The following RBFOX1 variants were observed in gnomAD, a reference collection of about 807,000 sequenced individuals.
RBFOX1 encodes RNA binding fox-1 homolog 1.
RBFOX1 carries 8 observed loss-of-function variants against 57.7 expected under a neutral mutation model. The observed-to-expected ratio is 0.14, with a 90% CI of 0.08 to 0.25. The LOEUF (loss-of-function observed/expected upper bound fraction) is 0.25, where lower values mean the gene tolerates loss of function less well. Among genes scored for constraint, RBFOX1 ranks in the 10% least tolerant of loss-of-function variants. The probability of loss-of-function intolerance (pLI) is 1.00; values close to 1 mark genes in which losing one functional copy is unlikely to be tolerated. For synonymous variants in RBFOX1, 326 were observed against 222.4 expected (o/e 1.47, Z -4.15); for missense variants, 611 against 548.5 (o/e 1.11, Z -1.14).
chr16:7,194,966 G>C lies in RBFOX1; in HGVS notation c.27+142868G>C, dbSNP rs2086328918. 2.7e-5 allele frequency among the ~76,000 whole-genome samples: 4 copies of C among 150,014 alleles called. No individual in the cohort carries two copies. The South Asian group carries it at 8.4e-4, about 31-fold the overall frequency. Reference sequence around the variant, plus strand: ...AAAAGTGAAGAATTCAAAGACAGCTGAATAACACCTTTCAATATTTTATCG... The same window carrying C: ...AAAAGTGAAGAATTCAAAGACAGCTCAATAACACCTTTCAATATTTTATCG... On this transcript the variant is annotated intron_variant, in intron 4 of 15. Coordinates refer to ENST00000550418, the MANE Select transcript of RBFOX1 (RefSeq NM_018723.4).
chr16:6,906,240 C>CCCT lies in RBFOX1; in HGVS notation c.-15-145815_-15-145814insTCC, dbSNP rs141742790. ...GGCAACCCCAAAAAGCAATTTATTA[C>CCCT]CCCCCCCCAAAATATACATTGTCAT... On this transcript the variant is annotated intron_variant, in intron 3 of 15. Coordinates refer to ENST00000550418, the MANE Select transcript of RBFOX1 (RefSeq NM_018723.4). 1.0e-4 allele frequency among the ~76,000 whole-genome samples: 7 copies of CCCT among 67,088 alleles called. 1 individual carries two copies. The highest frequency in any genetic ancestry group is 9.2e-4 in the African/African-American group (6 of 6,488). The allele number at this position is 67,088 out of a possible 152,430, so 44.0% of individuals were successfully genotyped here.
chr16:6,901,344 A>G (rs1250579568), intron 3 of RBFOX1, among the ~76,000 whole-genome samples: 1 of 152,188 alleles, frequency 6.6e-6, no homozygotes, highest in East Asian at 1.9e-4. Context: ...TTCAACCTGG[A>G]AATGTCCCAC....
chr16:6,287,736 T>C (rs2077043662), intron 1 of RBFOX1, among the ~76,000 whole-genome samples: 1 of 152,154 alleles, frequency 6.6e-6, no homozygotes, highest in African/African-American at 2.4e-5. Flanking sequence ...TGAAATGGCA[T>C]ATTAAGACCA....
chr16:7,266,380 C>T (rs1324340847), intron 4 of RBFOX1, among the ~76,000 whole-genome samples: 1 of 152,188 alleles, frequency 6.6e-6, no homozygotes, highest in Non-Finnish European at 1.5e-5. Context: ...TCACTTTCCG[C>T]CATGACGAAA....
Position 6,958,701 on chromosome 16 carries a change from C to T in RBFOX1, c.-15-93356C>T, listed in dbSNP as rs1332847757. Reference sequence around the variant, plus strand: ...CTAATTGGGGTCACATGCTAATGAACTCCCTCTTCATGTTAGTTTTATGCC... The same window carrying T: ...CTAATTGGGGTCACATGCTAATGAATTCCCTCTTCATGTTAGTTTTATGCC... On this transcript the variant is annotated intron_variant, in intron 3 of 15. Coordinates refer to ENST00000550418, the MANE Select transcript of RBFOX1 (RefSeq NM_018723.4). 5.3e-5 allele frequency among the ~76,000 whole-genome samples: 8 copies of T among 152,266 alleles called. No homozygotes were observed. The South Asian group carries it at 8.3e-4, about 16-fold the overall frequency.
At chr16:7,608,441 T>C (rs1277077747) in intron 10 of RBFOX1, among the ~76,000 whole-genome samples, 1 of 152,230 alleles carries the variant, frequency 6.6e-6, no homozygotes, top group Non-Finnish European at 1.5e-5. Context: ...TTGTTCTTCA[T>C]GTATGAGTTT....
chr16:7,598,766 CTTTAA>C (rs2094847619), intron 9 of RBFOX1, among the ~76,000 whole-genome samples: 1 of 151,986 alleles, frequency 6.6e-6, no homozygotes. Context: ...TATAGAGTTC[CTTTAA>C]TTTAATATAT....
chr16:5,866,787 A>T (rs2057353363), intron 3 of RBFOX1, among the ~76,000 whole-genome samples: 1 of 152,238 alleles, frequency 6.6e-6, no homozygotes, highest in African/African-American at 2.4e-5. Flanking sequence ...ATGAGATAAA[A>T]TATATAAACA....
chr16:7,087,400 G>A (rs1320270865), intron 4 of RBFOX1, among the ~76,000 whole-genome samples: 1 of 152,142 alleles, frequency 6.6e-6, no homozygotes, highest in Non-Finnish European at 1.5e-5. Flanking sequence ...CTAGTATTAT[G>A]AATATTGCTA....
intron 2 of RBFOX1, among the ~76,000 whole-genome samples, chr16:6,452,561 G>C (rs571551639): frequency 6.6e-6 from 1 of 152,316 alleles, no homozygotes; most frequent in Admixed American, 6.5e-5. Context: ...TGTACCTAGA[G>C]ATCGTCAAGT....
chr16:6,878,123 A>C lies in RBFOX1; in HGVS notation c.-15-173934A>C, dbSNP rs748740288. ...TGGTGGCGTGTATGCAAGGACTTCT[A>C]AGAGAAGTGATAGCTAATGTTTGTG... On this transcript the variant is annotated intron_variant, in intron 3 of 15. Coordinates refer to ENST00000550418, the MANE Select transcript of RBFOX1 (RefSeq NM_018723.4). 3.9e-5 allele frequency among the ~76,000 whole-genome samples: 6 copies of C among 152,274 alleles called. 1 individual carries two copies. Among genetic ancestry groups the C allele is most frequent in the Middle Eastern group, 6.8e-3 (2 of 294 alleles).
chr16:6,490,649 A>C (rs971253511), intron 2 of RBFOX1, among the ~76,000 whole-genome samples: 2 of 152,178 alleles, frequency 1.3e-5, no homozygotes, highest in Non-Finnish European at 2.9e-5. Flanking sequence ...ATTTTTTTAT[A>C]CAAGAAAGAA....
At chr16:7,103,523 T>C (rs1360861143) in intron 4 of RBFOX1, among the ~76,000 whole-genome samples, 2 of 152,138 alleles carry the variant, frequency 1.3e-5, no homozygotes, top group Admixed American at 1.3e-4. Flanking sequence ...TGTTAAGAGA[T>C]GATCAGTGAC....
chr16:7,053,473 G>C (rs182779475), intron 4 of RBFOX1, among the ~76,000 whole-genome samples: 7 of 152,272 alleles, frequency 4.6e-5, no homozygotes, highest in African/African-American at 1.4e-4. Context: ...CTGTTTGGAT[G>C]GGGACGATGG....
intron 1 of RBFOX1, among the ~76,000 whole-genome samples, chr16:6,101,265 T>TGTAG (rs1437305424): frequency 1.3e-5 from 2 of 152,184 alleles, no homozygotes; most frequent in African/African-American, 2.4e-5. Context: ...CTTCAGTGGG[T>TGTAG]GTAGGCCTCT....
intron 4 of RBFOX1, among the ~76,000 whole-genome samples, chr16:5,938,107 A>G (rs2059203881): frequency 6.6e-6 from 1 of 152,050 alleles, no homozygotes; most frequent in African/African-American, 2.4e-5. Context: ...TACCCTTTTC[A>G]TTCTTTTCTT....
At chr16:6,579,809 C>T (rs183372908) in intron 2 of RBFOX1, among the ~76,000 whole-genome samples, 1 of 152,102 alleles carries the variant, frequency 6.6e-6, no homozygotes, top group Non-Finnish European at 1.5e-5. Context: ...TGGTCTCAAA[C>T]TCCTGGTCTC....
At chr16:7,507,561 C>CTTTTTTTTTTTTT (rs200393762) in intron 4 of RBFOX1, among the ~76,000 whole-genome samples, 2 of 122,904 alleles carry the variant, frequency 1.6e-5, no homozygotes, top group Non-Finnish European at 3.4e-5. Flanking sequence ...TTTTTTCTTT[C>CTTTTTTTTTTTTT]TTTCTTTTTT....
rs1277446107 is a variant in RBFOX1, at chr16:7,263,444, T to C, written c.27+211346T>C. 2.0e-5 allele frequency among the ~76,000 whole-genome samples: 3 copies of C among 152,308 alleles called. No individual in the cohort carries two copies. In the East Asian group the frequency reaches 5.8e-4, roughly 29 times the overall value. On this transcript the variant is annotated intron_variant, in intron 4 of 15. Coordinates refer to ENST00000550418, the MANE Select transcript of RBFOX1 (RefSeq NM_018723.4). ...GCTCCTTGGAGAGTTTTAACTAGTC[T>C]TGATGCCTGGATCCCAGAAGAGACC...
Sources: gnomAD v4.1 joint callset for allele counts (sites outside exome capture counted in the v4.1 genomes callset) on GRCh38, gnomAD v4.1.1 for gene constraint, MANE v1.5 for transcripts, NCBI Gene and HGNC (gene_info 2026-07-23, HGNC 2026-07-21) for gene names.